Variants in KCNT2 observed in about 807,000 individuals in gnomAD.
KCNT2 encodes the protein potassium channel subfamily T member 2.
Under a neutral mutation model 153.8 loss-of-function variants are expected in KCNT2, and 67 were observed. That is an observed-to-expected ratio of 0.44 (90% CI 0.36 to 0.53). The LOEUF is 0.53. Ranked by LOEUF, KCNT2 falls within the 20% of genes least tolerant of loss-of-function variation. The pLI, the probability that KCNT2 is intolerant of heterozygous loss-of-function variation, is 0.00. For missense variants in KCNT2, 975 were observed against 1,354.8 expected (o/e 0.72, Z 4.40); for synonymous variants, 500 against 458.8 (o/e 1.09, Z -1.15).
At chr1:196,483,321 A>T (rs1200828533) in intron 3 of KCNT2, among the ~76,000 whole-genome samples, 1 of 152,150 alleles carries the variant, frequency 6.6e-6, no homozygotes, top group African/African-American at 2.4e-5. Context: ...CGTCTCTACT[A>T]CCACAATCAC....
At chr1:196,583,990 C>T (rs1662363354) in intron 1 of KCNT2, among the ~76,000 whole-genome samples, 1 of 151,850 alleles carries the variant, frequency 6.6e-6, no homozygotes, top group Non-Finnish European at 1.5e-5. Flanking sequence ...GATGTTGCCA[C>T]GTAAGTTTCC....
intron 1 of KCNT2, among the ~76,000 whole-genome samples, chr1:196,560,678 T>C (rs536370640): frequency 6.9e-6 from 1 of 144,516 alleles, no homozygotes; most frequent in South Asian, 2.3e-4. Context: ...TGACTTCCTG[T>C]AATAATGATA....
At chr1:196,553,202 A>G (rs1419440808) in intron 1 of KCNT2, among the ~76,000 whole-genome samples, 1 of 151,172 alleles carries the variant, frequency 6.6e-6, no homozygotes, top group Non-Finnish European at 1.5e-5. Flanking sequence ...ATAATAAGAT[A>G]GAAAAATATA....
rs541849123 is a variant in KCNT2 at position 196,258,844 on chromosome 1, T to C, written c.2911-350A>G. ...ATACAAAACCAGACATTTTACAACT[T>C]TATCCAAATAAAATCCATGTAATGG... On this transcript the variant is annotated intron_variant, in intron 25 of 27. Coordinates refer to ENST00000294725, the MANE Select transcript of KCNT2 (RefSeq NM_198503.5). Among the ~76,000 whole-genome samples, 3 of 152,250 alleles carry C rather than the reference T, an allele frequency of 2.0e-5. No homozygotes were observed. The South Asian group carries it at 6.2e-4, about 32-fold the overall frequency.
At chr1:196,355,866 A>G (rs1033060749) in intron 14 of KCNT2, among the ~76,000 whole-genome samples, 4 of 151,902 alleles carry the variant, frequency 2.6e-5, no homozygotes, top group Middle Eastern at 3.4e-3. Context: ...TTTTATAGCT[A>G]CATTGTACTT....
At chr1:196,487,074 G>A (rs1476680825) in intron 3 of KCNT2, among the ~76,000 whole-genome samples, 2 of 151,846 alleles carry the variant, frequency 1.3e-5, no homozygotes, top group African/African-American at 4.8e-5. Context: ...ACCAGACAAC[G>A]TTAGCTGTCA....
chr1:196,401,093 C>A (rs138184179), intron 12 of KCNT2, among the ~76,000 whole-genome samples: 2 of 151,862 alleles, frequency 1.3e-5, no homozygotes, highest in East Asian at 2.0e-4. Flanking sequence ...CTTTGGCTGA[C>A]CTCTGAACCA....
intron 13 of KCNT2, among the ~76,000 whole-genome samples, chr1:196,388,559 TA>T (rs1171518367): frequency 1.3e-5 from 2 of 151,686 alleles, no homozygotes; most frequent in Non-Finnish European, 3.0e-5. Flanking sequence ...TTTAGCTCTT[TA>T]AGAATTTCTC....
chr1:196,243,054 C>A (rs1410271350), intron 26 of KCNT2, among the ~76,000 whole-genome samples: 1 of 152,052 alleles, frequency 6.6e-6, no homozygotes, highest in Non-Finnish European at 1.5e-5. Context: ...ATCTCTCATG[C>A]CCTTTTGTAG....
At chr1:196,298,145 G>C (rs1226755129) in intron 22 of KCNT2, among the ~76,000 whole-genome samples, 1 of 152,126 alleles carries the variant, frequency 6.6e-6, no homozygotes, top group Non-Finnish European at 1.5e-5. Context: ...TTATAGACAT[G>C]ACTGTTTGCA....
At chr1:196,248,791 C>T (rs930212474) in intron 26 of KCNT2, among the ~76,000 whole-genome samples, 1 of 152,170 alleles carries the variant, frequency 6.6e-6, no homozygotes, top group East Asian at 1.9e-4. Flanking sequence ...CTTCCAAAGT[C>T]TTTCTAAGAG....
At chr1:196,300,059 A>G (rs1661035800) in intron 22 of KCNT2, among the ~76,000 whole-genome samples, 1 of 152,354 alleles carries the variant, frequency 6.6e-6, no homozygotes, top group East Asian at 1.9e-4. Flanking sequence ...AGCTTTAATA[A>G]GCATAAAAAT....
chr1:196,360,790 A>C lies in KCNT2; in HGVS notation c.1403+12350T>G, dbSNP rs146632830. Among the ~76,000 whole-genome samples the C allele has an allele frequency of 4.0e-3, 605 of 152,174 alleles. 2 individuals carry two copies. Among genetic ancestry groups the C allele is most frequent in the African/African-American group, 0.014 (584 of 41,558 alleles). On this transcript the variant is annotated intron_variant, in intron 14 of 27. Transcript: ENST00000294725. ...TGATCTCGGACTCCTAGCCTCCAGA[A>C]CTGTGGAAAAAATAAACTTCTGTTG...
intron 8 of KCNT2, among the ~76,000 whole-genome samples, chr1:196,430,713 C>A (rs1204825259): frequency 1.3e-5 from 2 of 151,912 alleles, no homozygotes; most frequent in Admixed American, 1.3e-4. Context: ...AGTAAGAGAG[C>A]AGCGTAAAAG....
At chr1:196,568,884 T>A (rs1028234033) in intron 1 of KCNT2, among the ~76,000 whole-genome samples, 1 of 151,836 alleles carries the variant, frequency 6.6e-6, no homozygotes, top group African/African-American at 2.4e-5. Context: ...AGAGAAAAAA[T>A]TCATAGCTGT....
chr1:196,501,741 A>G (rs1331179645), intron 1 of KCNT2, among the ~76,000 whole-genome samples: 2 of 152,222 alleles, frequency 1.3e-5, no homozygotes, highest in African/African-American at 4.8e-5. Flanking sequence ...TCTTAAATCT[A>G]TAAAAATAAA....
chr1:196,430,300 G>A (rs931821605), intron 8 of KCNT2, among the ~76,000 whole-genome samples: 2 of 151,916 alleles, frequency 1.3e-5, no homozygotes, highest in African/African-American at 4.8e-5. Flanking sequence ...CCATTAAGAG[G>A]TGTTTAGGTC....
At chr1:196,273,470 G>A (rs1263967463) in intron 25 of KCNT2, 1 of 1,529,124 alleles carries the variant, frequency 6.5e-7, no homozygotes, top group Admixed American at 2.0e-5. Context: ...ATACTTACTT[G>A]TGATGCTATT....
At chr1:196,483,537 T>C (rs1440287703) in intron 3 of KCNT2, among the ~76,000 whole-genome samples, 3 of 152,228 alleles carry the variant, frequency 2.0e-5, no homozygotes, top group African/African-American at 7.2e-5. Flanking sequence ...ACAGTTGACA[T>C]GGCATTCTTA....
Sources: allele counts gnomAD v4.1 joint callset (sites outside exome capture counted in the v4.1 genomes callset), GRCh38; gene constraint gnomAD v4.1.1; transcripts MANE v1.5; gene names NCBI Gene and HGNC (gene_info 2026-07-23, HGNC 2026-07-21).